Variants in ERBB4 observed in about 807,000 individuals in gnomAD.
ERBB4 encodes the protein receptor tyrosine-protein kinase erbB-4.
Under a neutral mutation model 158.0 loss-of-function variants are expected in ERBB4, and 42 were observed. The ratio of observed to expected loss-of-function variants is 0.27; its 90% CI spans 0.21 to 0.34. The LOEUF is 0.34. Among genes scored for constraint, ERBB4 ranks in the 10% least tolerant of loss-of-function variants. The pLI is 1.00. For missense variants in ERBB4, 1,333 were observed against 1,624.1 expected (o/e 0.82, Z 3.08); for synonymous variants, 583 against 558.7 (o/e 1.04, Z -0.61).
At chr2:211,752,859 T>C (rs759462311) in intron 4 of ERBB4, among the ~76,000 whole-genome samples, 16 of 152,322 alleles carry the variant, frequency 1.1e-4, no homozygotes, top group South Asian at 1.0e-3. Flanking sequence ...GTCTACTCGA[T>C]ATTATGAGAT....
At chr2:211,600,692 C>T (rs2068772004) in intron 19 of ERBB4, among the ~76,000 whole-genome samples, 1 of 152,128 alleles carries the variant, frequency 6.6e-6, no homozygotes, top group South Asian at 2.1e-4. Context: ...GCCAAAAAGT[C>T]ACTACATTTG....
chr2:211,917,953 T>C (rs545189737), intron 3 of ERBB4, among the ~76,000 whole-genome samples: 36 of 152,198 alleles, frequency 2.4e-4, no homozygotes, highest in Admixed American at 2.6e-4. Flanking sequence ...GGGGGAACCA[T>C]GTAAAAAGGA....
intron 1 of ERBB4, among the ~76,000 whole-genome samples, chr2:212,154,091 T>A (rs578136013): frequency 3.2e-4 from 49 of 152,268 alleles, no homozygotes; most frequent in African/African-American, 1.1e-3. Context: ...ATATTATTTC[T>A]AGAACAATGA....
At chr2:212,487,108 T>C (rs2106185035) in intron 1 of ERBB4, among the ~76,000 whole-genome samples, 1 of 152,230 alleles carries the variant, frequency 6.6e-6, no homozygotes, top group South Asian at 2.1e-4. Flanking sequence ...CTAAATTAGA[T>C]AATCCCTTGA....
At chr2:211,942,733 A>G (rs1267618922) in intron 3 of ERBB4, among the ~76,000 whole-genome samples, 1 of 152,156 alleles carries the variant, frequency 6.6e-6, no homozygotes, top group Non-Finnish European at 1.5e-5. Context: ...AAAACATATG[A>G]ATATGTTGGT....
At chr2:211,920,390 A>T (rs1052548085) in intron 3 of ERBB4, among the ~76,000 whole-genome samples, 1 of 151,992 alleles carries the variant, frequency 6.6e-6, no homozygotes, top group Non-Finnish European at 1.5e-5. Context: ...CCTATGTTAC[A>T]TGATAGATCT....
At chr2:212,440,838 G>A (rs967509554) in intron 1 of ERBB4, among the ~76,000 whole-genome samples, 3 of 152,166 alleles carry the variant, frequency 2.0e-5, no homozygotes, top group Admixed American at 6.6e-5. Context: ...ACCAAGGAAC[G>A]TAATGAAACT....
intron 20 of ERBB4, among the ~76,000 whole-genome samples, chr2:211,505,497 T>TAAA (rs150255724): frequency 4.7e-5 from 7 of 147,680 alleles, no homozygotes; most frequent in African/African-American, 1.7e-4. Context: ...CTCACCATCA[T>TAAA]AAAAAAAAAA....
chr2:211,901,542 G>A (rs909396515), intron 3 of ERBB4, among the ~76,000 whole-genome samples: 2 of 152,006 alleles, frequency 1.3e-5, no homozygotes, highest in Non-Finnish European at 2.9e-5. Context: ...ACTACCGAAG[G>A]GTAACTCTGC....
chr2:211,446,604 G>A (rs1362371708), intron 20 of ERBB4, among the ~76,000 whole-genome samples: 1 of 151,920 alleles, frequency 6.6e-6, no homozygotes, highest in Non-Finnish European at 1.5e-5. Context: ...CAAATGCATG[G>A]GATCTGAAAA....
chr2:212,481,985 C>A (rs1689726999), intron 1 of ERBB4, among the ~76,000 whole-genome samples: 1 of 152,148 alleles, frequency 6.6e-6, no homozygotes, highest in African/African-American at 2.4e-5. Context: ...GAGTCTTGTG[C>A]ACCCAAAATG....
At chr2:211,533,230 T>G (rs1356381772) in intron 20 of ERBB4, among the ~76,000 whole-genome samples, 1 of 151,984 alleles carries the variant, frequency 6.6e-6, no homozygotes, top group Non-Finnish European at 1.5e-5. Flanking sequence ...TAGTTTAAAC[T>G]ATTTCTTTTC....
intron 2 of ERBB4, among the ~76,000 whole-genome samples, chr2:212,098,440 T>C (rs776891327): frequency 1.3e-5 from 2 of 152,150 alleles, no homozygotes; most frequent in Non-Finnish European, 2.9e-5. Flanking sequence ...AAGCTGAATG[T>C]TTGTCTTTAT....
intron 1 of ERBB4, among the ~76,000 whole-genome samples, chr2:212,292,743 GA>G (rs1490301137): frequency 6.6e-6 from 1 of 152,056 alleles, no homozygotes; most frequent in South Asian, 2.1e-4. Context: ...AAAGATTAGT[GA>G]AAAGTTGTTT....
At chr2:211,795,770 G>C (rs1575159419) in intron 3 of ERBB4, among the ~76,000 whole-genome samples, 1 of 151,678 alleles carries the variant, frequency 6.6e-6, no homozygotes, top group Non-Finnish European at 1.5e-5. Context: ...CTTGTATCTC[G>C]TTGGTCAGAA....
chr2:212,286,767 A>ATTTTTTTTT (rs748586400), intron 1 of ERBB4, among the ~76,000 whole-genome samples: 1,692 of 39,448 alleles, frequency 0.043, 431 homozygotes, highest in South Asian at 0.097. Context: ...ATGAGGGTTA[A>ATTTTTTTTT]TTTTTTTTTT....
intron 25 of ERBB4, among the ~76,000 whole-genome samples, chr2:211,407,801 G>A (rs1482678631): frequency 6.6e-6 from 1 of 152,180 alleles, no homozygotes; most frequent in Non-Finnish European, 1.5e-5. Context: ...ATTTGGGCAG[G>A]TGAGCGAGGA....
intron 1 of ERBB4, among the ~76,000 whole-genome samples, chr2:212,148,698 A>G (rs922404708): frequency 1.3e-4 from 20 of 151,588 alleles, no homozygotes; most frequent in Non-Finnish European, 2.4e-4. Context: ...TCACGCTGCT[A>G]TAAAGACACA....
chr2:211,885,967 T>G (rs2078789469), intron 3 of ERBB4, among the ~76,000 whole-genome samples: 1 of 152,204 alleles, frequency 6.6e-6, no homozygotes, highest in Non-Finnish European at 1.5e-5. Context: ...ATGTGGAGAA[T>G]TAAATTCTGT....
Sources: gnomAD v4.1 joint callset for allele counts (sites outside exome capture counted in the v4.1 genomes callset) on GRCh38, gnomAD v4.1.1 for gene constraint, MANE v1.5 for transcripts, NCBI Gene and HGNC (gene_info 2026-07-23, HGNC 2026-07-21) for gene names.